The following UBE4B variants were observed in gnomAD, a reference collection of about 807,000 sequenced individuals.
UBE4B encodes the protein ubiquitin conjugation factor E4 B.
UBE4B carries 27 observed loss-of-function variants against 148.1 expected under a neutral mutation model. That is an observed-to-expected ratio of 0.18 (90% CI 0.13 to 0.25). UBE4B has a LOEUF of 0.25. UBE4B is among the 10% of genes least tolerant of loss of function. The probability of loss-of-function intolerance (pLI) is 1.00; values close to 1 mark genes in which losing one functional copy is unlikely to be tolerated. For missense variants in UBE4B, 1,170 were observed against 1,662.4 expected (o/e 0.70, Z 5.15); for synonymous variants, 596 against 619.3 (o/e 0.96, Z 0.56).
intron 1 of UBE4B, among the ~76,000 whole-genome samples, chr1:10,055,108 C>T (rs1237990980): frequency 6.6e-6 from 1 of 151,964 alleles, no homozygotes; most frequent in African/African-American, 2.4e-5. Flanking sequence ...GAACAGATGT[C>T]CTTGTGCCAA....
intron 7 of UBE4B, among the ~76,000 whole-genome samples, chr1:10,115,417 C>T (rs563902327): frequency 7.9e-5 from 12 of 151,922 alleles, no homozygotes; most frequent in East Asian, 1.9e-4. Context: ...TACAGGCACA[C>T]GCCACCATGC....
intron 7 of UBE4B, among the ~76,000 whole-genome samples, chr1:10,113,509 G>A (rs186733958): frequency 3.3e-5 from 5 of 152,312 alleles, no homozygotes; most frequent in Admixed American, 1.3e-4. Flanking sequence ...AAAAGCAATC[G>A]TCTACATAGT....
chr1:10,122,112 C>A, intron 10 of UBE4B, 36 bp downstream of exon 10: 1 of 1,448,498 alleles, frequency 6.9e-7, no homozygotes, highest in Non-Finnish European at 9.6e-7. Context: ...CAAATTTTAG[C>A]CTGAGAGCCT....
At chr1:10,152,526 G>A (rs1180863942) in intron 21 of UBE4B, among the ~76,000 whole-genome samples, 4 of 151,840 alleles carry the variant, frequency 2.6e-5, no homozygotes, top group Admixed American at 6.6e-5. Flanking sequence ...GGCCAGGTGC[G>A]GTGGCTCATA....
chr1:10,044,142 T>C (rs192930494), intron 1 of UBE4B, among the ~76,000 whole-genome samples: 1 of 151,750 alleles, frequency 6.6e-6, no homozygotes, highest in African/African-American at 2.4e-5. Flanking sequence ...AGGTGCCAGG[T>C]TCAAGCGATT....
chr1:10,139,366 G>A (rs1320228276), intron 17 of UBE4B, among the ~76,000 whole-genome samples: 2 of 151,860 alleles, frequency 1.3e-5, no homozygotes, highest in Admixed American at 6.6e-5. Flanking sequence ...ACTCCAGCCT[G>A]AGCAAGAGTG....
chr1:10,112,394 T>TTTTTG (rs1645236024), intron 7 of UBE4B, among the ~76,000 whole-genome samples: 1 of 152,250 alleles, frequency 6.6e-6, no homozygotes, highest in East Asian at 1.9e-4. Flanking sequence ...AAATATTTCT[T>TTTTTG]TTTTGTTTTG....
chr1:10,039,061 A>AAAAC (rs1397860711), intron 1 of UBE4B, among the ~76,000 whole-genome samples: 2 of 151,690 alleles, frequency 1.3e-5, no homozygotes, highest in Non-Finnish European at 2.9e-5. Flanking sequence ...CTCCATCAAA[A>AAAAC]AAACAAACAA....
In UBE4B at chr1:10,156,239, C is replaced by CT. The variant is rs199801311; in HGVS notation, c.2927-2099dup. Among the ~76,000 whole-genome samples the CT allele has an allele frequency of 3.8e-3, 466 of 123,760 alleles. 3 individuals carry two copies. Among genetic ancestry groups the CT allele is most frequent in the East Asian group, 8.9e-3 (40 of 4,518 alleles). The allele number at this position is 123,760 out of a possible 152,430, so 81.2% of individuals were successfully genotyped here. On this transcript the variant is annotated intron_variant, in intron 21 of 27. Transcript: ENST00000343090. ...ATATTGTTTTGTTTCATTTTCTTTTCTTTTTTTTTTTTTTTTTTGAGCTAG... is the reference window on the plus strand; with the variant it reads ...ATATTGTTTTGTTTCATTTTCTTTTCTTTTTTTTTTTTTTTTTTTGAGCTAG...
At chr1:10,130,884 A>T in intron 14 of UBE4B, 71 bp downstream of exon 14, 2 of 1,363,150 alleles carry the variant, frequency 1.5e-6, no homozygotes, top group Non-Finnish European at 2.1e-6. Flanking sequence ...TTTATTTTGT[A>T]GACTGGACTA....
At chr1:10,072,703 G>T in intron 2 of UBE4B, 1 of 486,988 alleles carries the variant, frequency 2.1e-6, no homozygotes, top group Non-Finnish European at 3.6e-6. Context: ...AAAAGTAAAA[G>T]TTTATTTCTT....
intron 2 of UBE4B, among the ~76,000 whole-genome samples, chr1:10,075,850 G>C (rs1644567762): frequency 2.6e-5 from 4 of 152,086 alleles, no homozygotes; most frequent in Admixed American, 2.6e-4. Context: ...CTAGGAGTTC[G>C]AGACCAGCCT....
At chr1:10,067,764 A>G (rs763487097) in intron 1 of UBE4B, among the ~76,000 whole-genome samples, 4 of 151,802 alleles carry the variant, frequency 2.6e-5, no homozygotes, top group East Asian at 1.9e-4. Context: ...GTCTCACTCT[A>G]TGGCCCAGGC....
intron 7 of UBE4B, among the ~76,000 whole-genome samples, chr1:10,111,044 GACACACACACAC>G (rs55936075): frequency 0.021 from 2,339 of 113,428 alleles, 58 homozygotes; most frequent in African/African-American, 0.062. Context: ...CTCTGTCTCT[GACACACACACAC>G]ACACACACAC....
chr1:10,112,346 G>A (rs1476043613), intron 7 of UBE4B, among the ~76,000 whole-genome samples: 2 of 152,196 alleles, frequency 1.3e-5, no homozygotes, highest in Non-Finnish European at 2.9e-5. Flanking sequence ...ATTTTGTACA[G>A]CTGAGGGAAA....
At chr1:10,103,608 G>GTT (rs58109538) in intron 5 of UBE4B, among the ~76,000 whole-genome samples, 7 of 133,390 alleles carry the variant, frequency 5.2e-5, no homozygotes, top group African/African-American at 1.9e-4. Context: ...AATTTTTGTA[G>GTT]TTTTTTTTGT....
At chr1:10,084,139 A>G (rs1256661953) in intron 2 of UBE4B, among the ~76,000 whole-genome samples, 2 of 152,126 alleles carry the variant, frequency 1.3e-5, no homozygotes, top group Non-Finnish European at 2.9e-5. Context: ...ACACAGTGGG[A>G]TGTGAACTGT....
intron 19 of UBE4B, among the ~76,000 whole-genome samples, chr1:10,148,437 T>C (rs1184532777): frequency 7.0e-6 from 1 of 143,376 alleles, no homozygotes; most frequent in Non-Finnish European, 1.5e-5. Context: ...TTCGAGACCA[T>C]CCTGGCCAAC....
intron 10 of UBE4B, among the ~76,000 whole-genome samples, chr1:10,124,738 A>G (rs896076918): frequency 2.6e-5 from 4 of 151,012 alleles, no homozygotes; most frequent in African/African-American, 9.9e-5. Context: ...AGATAAATAA[A>G]TAGCAGCTAG....
Sources: allele counts gnomAD v4.1 joint callset (sites outside exome capture counted in the v4.1 genomes callset), GRCh38; gene constraint gnomAD v4.1.1; transcripts MANE v1.5; gene names NCBI Gene and HGNC (gene_info 2026-07-23, HGNC 2026-07-21).